The following HS6ST2 variants were observed in gnomAD, a reference collection of about 807,000 sequenced individuals.
The protein encoded by HS6ST2 is heparan-sulfate 6-O-sulfotransferase 2.
A neutral mutation model predicts 33.0 loss-of-function variants in HS6ST2; 17 were observed. That is an observed-to-expected ratio of 0.52 (90% confidence interval 0.35 to 0.77). The LOEUF (loss-of-function observed/expected upper bound fraction) is 0.77. HS6ST2 is among the 30% of genes least tolerant of loss of function. HS6ST2 has a pLI of 0.01. For synonymous variants in HS6ST2, 248 were observed against 237.1 expected (o/e 1.05, Z -0.42); for missense variants, 519 against 551.7 (o/e 0.94, Z 0.59).
At chrX:132,673,648 C>A (rs1379232648) in intron 3 of HS6ST2, among the ~76,000 whole-genome samples, 1 of 111,389 alleles carries the variant, frequency 9.0e-6, no homozygotes, top group East Asian at 2.8e-4. Flanking sequence ...ACTGGCTATT[C>A]TTTACTCCCT....
At chrX:132,959,351 A>C (rs987895675), upstream of HS6ST2, among the ~76,000 whole-genome samples, 1 of 112,562 alleles carries the variant, frequency 8.9e-6, no homozygotes, top group African/African-American at 3.2e-5. Flanking sequence ...CTCAGGAGTC[A>C]GTCTGTCCCC....
At chrX:132,697,609 A>G (rs2148236529) in intron 3 of HS6ST2, among the ~76,000 whole-genome samples, 1 of 112,182 alleles carries the variant, frequency 8.9e-6, no homozygotes, top group East Asian at 2.8e-4. Context: ...AGAAATGAAC[A>G]TACCTGCCCC....
chrX:132,758,312 G>A (rs1192391846), intron 2 of HS6ST2: 1 of 111,823 alleles, frequency 8.9e-6, no homozygotes, highest in African/African-American at 3.2e-5. Flanking sequence ...GCACCTCCTC[G>A]CCAGGTGATT....
intron 2 of HS6ST2, among the ~76,000 whole-genome samples, chrX:132,820,496 T>C (rs1173339265): frequency 9.0e-6 from 1 of 110,890 alleles, no homozygotes; most frequent in Non-Finnish European, 1.9e-5. Flanking sequence ...GGAAAAGAGA[T>C]TTTGCTTGTA....
chrX:132,955,097 C>T (rs2067054858), intron 2 of HS6ST2, among the ~76,000 whole-genome samples: 1 of 112,352 alleles, frequency 8.9e-6, no homozygotes, highest in African/African-American at 3.2e-5. Flanking sequence ...CTGTGGAATT[C>T]TACTTTTGCC....
intron 2 of HS6ST2, among the ~76,000 whole-genome samples, chrX:132,756,024 T>C (rs1231556908): frequency 3.6e-5 from 4 of 111,580 alleles, no homozygotes; most frequent in Non-Finnish European, 3.8e-5. Flanking sequence ...AGCCACGTAT[T>C]AAAGCCATAG....
intron 4 of HS6ST2, among the ~76,000 whole-genome samples, chrX:132,649,683 C>A (rs1240843332): frequency 1.8e-5 from 2 of 110,940 alleles, no homozygotes; most frequent in African/African-American, 3.3e-5. Flanking sequence ...TATGGTGAAA[C>A]CTTGTGTCTA....
In HS6ST2 at chrX:132,681,728, C is replaced by T. The variant is rs148861838; in HGVS notation, c.981-12529G>A. Among the ~76,000 whole-genome samples the T allele has an allele frequency of 4.7e-3, 528 of 112,468 alleles. 1 individual carries two copies. Among genetic ancestry groups the T allele is most frequent in the African/African-American group, 0.014 (439 of 30,962 alleles). ...TTCCTGAAAGTCATGATATCATCTC[C>T]GTCACCTCTTTGTAATATAGGTTGT... On this transcript the variant is annotated intron_variant, in intron 3 of 4. Coordinates refer to ENST00000370833, the MANE Select transcript of HS6ST2 (RefSeq NM_001394073.1).
upstream of HS6ST2, among the ~76,000 whole-genome samples, chrX:132,960,487 G>A (rs1015492113): frequency 1.8e-5 from 2 of 110,848 alleles, no homozygotes; most frequent in Non-Finnish European, 3.8e-5. Flanking sequence ...AAACTACGGA[G>A]TTTCTACTGT....
At chrX:132,828,123 C>T (rs889265263) in intron 2 of HS6ST2, among the ~76,000 whole-genome samples, 2 of 111,121 alleles carry the variant, frequency 1.8e-5, no homozygotes, top group Admixed American at 9.6e-5. Context: ...GATTTGCAAA[C>T]CAAGCACTTC....
At chrX:132,848,112 CA>C (rs1363183359) in intron 2 of HS6ST2, among the ~76,000 whole-genome samples, 1 of 111,825 alleles carries the variant, frequency 8.9e-6, no homozygotes, top group Non-Finnish European at 1.9e-5. Context: ...GGAATGCTGC[CA>C]GTGCTGTGTT....
intron 2 of HS6ST2, among the ~76,000 whole-genome samples, chrX:132,953,447 T>C (rs1318989501): frequency 9.0e-6 from 1 of 111,589 alleles, no homozygotes; most frequent in Non-Finnish European, 1.9e-5. Context: ...CCCAAGCACT[T>C]AACCATCCGC....
intron 4 of HS6ST2, among the ~76,000 whole-genome samples, chrX:132,636,784 G>A (rs1188164009): frequency 8.9e-6 from 1 of 111,925 alleles, no homozygotes; most frequent in Non-Finnish European, 1.9e-5. Context: ...AGGCCTGAAA[G>A]AACTCACTAA....
chrX:132,840,010 G>A (rs1048495984), intron 2 of HS6ST2, among the ~76,000 whole-genome samples: 4 of 110,661 alleles, frequency 3.6e-5, no homozygotes, highest in Admixed American at 9.6e-5. Context: ...TCAGCTACTC[G>A]GGAAGCTGAG....
intron 4 of HS6ST2, among the ~76,000 whole-genome samples, chrX:132,632,847 T>G (rs749001031): frequency 3.2e-4 from 35 of 110,288 alleles, no homozygotes; most frequent in Non-Finnish European, 5.7e-4. Flanking sequence ...GAGGCCAAGG[T>G]GGGCAGATCA....
chrX:132,956,846 C>T lies in HS6ST2; in HGVS notation c.909G>A (p.Val303=). ...WTELTSCVPS[V]VDGKRDARLR... is the part of the protein sequence containing the mutation. ...GCCTGGCGTCGCGCTTGCCGTCCAC[C>T]ACGGAGGGCACACAGCTGGTGAGCT... The change falls in exon 2 of 5, where the codon GTG becomes GTA. Residue 303 remains valine, a synonymous_variant. Transcript: ENST00000370833. 1 of 1,182,030 alleles carries T rather than the reference C, an allele frequency of 8.5e-7. No individual in the cohort carries two copies. The highest frequency in any genetic ancestry group is 3.1e-5 in the East Asian group (1 of 31,937).
chrX:132,892,925 C>T (rs1052767102), intron 2 of HS6ST2, among the ~76,000 whole-genome samples: 4 of 112,087 alleles, frequency 3.6e-5, no homozygotes, highest in Admixed American at 2.8e-4. Flanking sequence ...TTCTCGTATC[C>T]AATAAATGTA....
intron 2 of HS6ST2, among the ~76,000 whole-genome samples, chrX:132,811,663 A>AACTT (rs61217141): frequency 0.4 from 31,821 of 79,005 alleles, 6,671 homozygotes; most frequent in African/African-American, 0.64. Flanking sequence ...GCTGTGTCAG[A>AACTT]ACTTTGTTTT....
chrX:132,883,210 C>CTCCTCCTTG (rs779224936), intron 2 of HS6ST2, among the ~76,000 whole-genome samples: 55 of 111,516 alleles, frequency 4.9e-4, no homozygotes, highest in African/African-American at 1.7e-3. Flanking sequence ...ATGGTACCAG[C>CTCCTCCTTG]TCCTCCTTGT....
Sources: allele counts gnomAD v4.1 joint callset (sites outside exome capture counted in the v4.1 genomes callset), GRCh38; gene constraint gnomAD v4.1.1; transcripts MANE v1.5; gene names NCBI Gene and HGNC (gene_info 2026-07-23, HGNC 2026-07-21).